Variants in PRELID2 observed in about 807,000 individuals in gnomAD.
PRELID2 encodes the protein PRELI domain-containing protein 2.
In PRELID2, 25 loss-of-function variants were observed where a neutral mutation model predicts 28.4. That is an observed-to-expected ratio of 0.88 (90% confidence interval 0.64 to 1.23). The LOEUF (loss-of-function observed/expected upper bound fraction) is 1.23, where lower values mean the gene tolerates loss of function less well. Ranked by LOEUF, PRELID2 falls within the 50% of genes most tolerant of loss-of-function variation. The pLI is 0.00. For missense variants in PRELID2, 201 were observed against 214.4 expected (o/e 0.94, Z 0.39); for synonymous variants, 76 against 71.6 (o/e 1.06, Z -0.31).
chr5:145,782,825 A>G (rs1440623414), intron 5 of PRELID2, among the ~76,000 whole-genome samples: 2 of 152,262 alleles, frequency 1.3e-5, no homozygotes, highest in African/African-American at 4.8e-5. Flanking sequence ...TTTGTCAGAC[A>G]GAAAAATCTT....
the PRELID2 span, among the ~76,000 whole-genome samples, chr5:145,347,693 C>T: frequency 1.3e-5 from 2 of 152,026 alleles, no homozygotes; most frequent in South Asian, 4.2e-4. Context: ...AGCTTTTACC[C>T]CCTTTGAGTA....
rs56978118 is a variant in PRELID2, at chr5:145,811,082, C to CAAAA, written c.368+6808_368+6811dup. 1.9e-4 allele frequency among the ~76,000 whole-genome samples: 5 copies of CAAAA among 26,752 alleles called. 1 individual carries two copies. Among genetic ancestry groups the CAAAA allele is most frequent in the Non-Finnish European group, 3.4e-4 (5 of 14,784 alleles). The allele number at this position is 26,752 out of a possible 152,430, so 17.6% of individuals were successfully genotyped here. Reference sequence around the variant, plus strand: ...AAGGCACGTCTTACATGGCAGCAGGCAAAAAAAAAAAAAAAAAAAAAAAAA... The same window carrying CAAAA: ...AAGGCACGTCTTACATGGCAGCAGGCAAAAAAAAAAAAAAAAAAAAAAAAAAAAA... On this transcript the variant is annotated intron_variant, in intron 4 of 6. Coordinates refer to ENST00000683046, the MANE Select transcript of PRELID2 (RefSeq NM_205846.3).
chr5:145,294,348 T>C, the PRELID2 span, among the ~76,000 whole-genome samples: 652 of 152,274 alleles, frequency 4.3e-3, 2 homozygotes, highest in African/African-American at 0.015. Context: ...TTAAATAATC[T>C]TACTTACTGA....
chr5:145,608,447 A>G (rs528958993), intron 1 of PRELID2, among the ~76,000 whole-genome samples: 1 of 152,248 alleles, frequency 6.6e-6, no homozygotes, highest in South Asian at 2.1e-4. Context: ...GTGGTAATGA[A>G]TTCTCTTAGC....
At chr5:145,349,826 C>T in the PRELID2 span, among the ~76,000 whole-genome samples, 1 of 152,126 alleles carries the variant, frequency 6.6e-6, no homozygotes, top group Admixed American at 6.6e-5. Flanking sequence ...ATAAGGAATA[C>T]TGCATATCAA....
At chr5:145,391,477 T>G in the PRELID2 span, among the ~76,000 whole-genome samples, 1 of 152,218 alleles carries the variant, frequency 6.6e-6, no homozygotes, top group African/African-American at 2.4e-5. Context: ...ATCCCAAGGC[T>G]GCATAGAGCA....
the PRELID2 span, among the ~76,000 whole-genome samples, chr5:145,415,740 T>C: frequency 1.3e-5 from 2 of 152,064 alleles, no homozygotes; most frequent in African/African-American, 4.8e-5. Flanking sequence ...ACAATAAACA[T>C]ATGTGTGCAT....
the PRELID2 span, among the ~76,000 whole-genome samples, chr5:145,275,816 C>T: frequency 1.3e-5 from 2 of 152,116 alleles, no homozygotes; most frequent in African/African-American, 2.4e-5. Flanking sequence ...GTTAATCCTG[C>T]CTCTACCACT....
intron 5 of PRELID2, among the ~76,000 whole-genome samples, chr5:145,784,427 G>A (rs1234589025): frequency 1.3e-5 from 2 of 152,054 alleles, no homozygotes; most frequent in African/African-American, 4.8e-5. Flanking sequence ...ATGATAAATG[G>A]AAGTTTTAAG....
chr5:145,663,277 C>T (rs1292902876), intron 1 of PRELID2, among the ~76,000 whole-genome samples: 1 of 152,174 alleles, frequency 6.6e-6, no homozygotes, highest in Non-Finnish European at 1.5e-5. Context: ...GGTGTCCTTT[C>T]CTACCAAGCT....
intron 1 of PRELID2, among the ~76,000 whole-genome samples, chr5:145,562,469 A>T (rs139043129): frequency 1.6e-4 from 24 of 152,302 alleles, no homozygotes; most frequent in African/African-American, 5.3e-4. Flanking sequence ...GTTCATTTTC[A>T]TGATTCATAA....
At chr5:145,742,102 AATT>A (rs1756825162) in intron 1 of PRELID2, among the ~76,000 whole-genome samples, 1 of 127,594 alleles carries the variant, frequency 7.8e-6, no homozygotes, top group Non-Finnish European at 1.6e-5. Context: ...AATTACATAT[AATT>A]ATATATAAAT....
chr5:145,313,039 A>G, the PRELID2 span, among the ~76,000 whole-genome samples: 2 of 152,184 alleles, frequency 1.3e-5, no homozygotes, highest in Non-Finnish European at 2.9e-5. Flanking sequence ...TAAAATTCAT[A>G]TGGAACCCCC....
intron 1 of PRELID2, among the ~76,000 whole-genome samples, chr5:145,540,575 T>C (rs1038610915): frequency 6.7e-6 from 1 of 150,068 alleles, no homozygotes; most frequent in Non-Finnish European, 1.5e-5. Context: ...ACTACCAAGA[T>C]ACAGGAAATA....
the PRELID2 span, among the ~76,000 whole-genome samples, chr5:145,353,224 G>A: frequency 2.6e-5 from 4 of 152,096 alleles, no homozygotes; most frequent in East Asian, 3.9e-4. Flanking sequence ...TTGGGAGGCC[G>A]AGGTGAGTGG....
At chr5:145,410,270 G>T in the PRELID2 span, among the ~76,000 whole-genome samples, 11 of 152,074 alleles carry the variant, frequency 7.2e-5, no homozygotes, top group Non-Finnish European at 1.3e-4. Flanking sequence ...TTATGACCAA[G>T]AATCCAAAAG....
At chr5:145,541,198 G>C (rs533246213) in intron 1 of PRELID2, among the ~76,000 whole-genome samples, 2 of 151,982 alleles carry the variant, frequency 1.3e-5, no homozygotes, top group African/African-American at 4.8e-5. Context: ...TGACAGAACA[G>C]CAAAAACAGG....
the PRELID2 span, among the ~76,000 whole-genome samples, chr5:145,305,377 T>C: frequency 6.6e-6 from 1 of 152,112 alleles, no homozygotes; most frequent in African/African-American, 2.4e-5. Context: ...GAGAGAAAGA[T>C]TGCTTGAAAG....
chr5:145,475,589 C>T (rs899726876), intron 1 of PRELID2, among the ~76,000 whole-genome samples: 3 of 152,106 alleles, frequency 2.0e-5, no homozygotes, highest in African/African-American at 7.2e-5. Context: ...TCAAAACTCA[C>T]AGCACAGGCT....
Sources: gnomAD v4.1 joint callset for allele counts (sites outside exome capture counted in the v4.1 genomes callset) on GRCh38, gnomAD v4.1.1 for gene constraint, MANE v1.5 for transcripts, NCBI Gene and HGNC (gene_info 2026-07-23, HGNC 2026-07-21) for gene names.